The following SKAP2 variants were observed in gnomAD, a reference collection of about 807,000 sequenced individuals.
SKAP2 encodes the protein src kinase-associated phosphoprotein 2.
A neutral mutation model predicts 54.9 loss-of-function variants in SKAP2; 28 were observed. The observed-to-expected ratio is 0.51, with a 90% CI of 0.38 to 0.70. The LOEUF (loss-of-function observed/expected upper bound fraction) is 0.70. Ranked by LOEUF, SKAP2 falls within the 30% of genes least tolerant of loss-of-function variation. The pLI is 0.00. For missense variants in SKAP2, 356 were observed against 424.1 expected, an observed-to-expected ratio of 0.84 and a Z score of 1.41; for synonymous variants, 137 against 134.3, an observed-to-expected ratio of 1.02 and a Z score of -0.14.
At chr7:26,821,458 C>T (rs903522894) in intron 4 of SKAP2, among the ~76,000 whole-genome samples, 3 of 152,116 alleles carry the variant, frequency 2.0e-5, no homozygotes, top group Non-Finnish European at 1.5e-5. Flanking sequence ...CCTGGTTTAC[C>T]TGTGAGGAAA....
In SKAP2 at chr7:26,740,022, C is replaced by T. The variant is rs3735547; in HGVS notation, c.308-58G>A. On this transcript the variant is annotated intron_variant, in intron 4 of 12. Coordinates refer to ENST00000345317, the MANE Select transcript of SKAP2 (RefSeq NM_003930.5). Reference sequence around the variant, plus strand: ...AGTGGGTAATCCATTTCAGAATAAACAAGTGCCAGATCTCATTAGATTCAG... The same window carrying T: ...AGTGGGTAATCCATTTCAGAATAAATAAGTGCCAGATCTCATTAGATTCAG... The T allele has an allele frequency of 4.7e-6, 5 of 1,063,940 alleles. No homozygotes were observed. The African/African-American group carries it at 6.4e-5, about 14-fold the overall frequency. The allele number at this position is 1,063,940 out of a possible 1,614,324, so 65.9% of individuals were successfully genotyped here.
intron 4 of SKAP2, among the ~76,000 whole-genome samples, chr7:26,801,507 G>A (rs994097191): frequency 4.6e-5 from 7 of 152,144 alleles, no homozygotes; most frequent in African/African-American, 1.4e-4. Flanking sequence ...GTCCTAGCTA[G>A]AGCAATCAGA....
At chr7:26,743,717 A>G (rs1782504135) in intron 4 of SKAP2, among the ~76,000 whole-genome samples, 2 of 152,196 alleles carry the variant, frequency 1.3e-5, no homozygotes, top group African/African-American at 4.8e-5. Flanking sequence ...ATTAGACATT[A>G]AAATCGACAC....
At chr7:26,828,616 G>A (rs1365164523) in intron 4 of SKAP2, among the ~76,000 whole-genome samples, 2 of 150,706 alleles carry the variant, frequency 1.3e-5, no homozygotes, top group East Asian at 2.0e-4. Flanking sequence ...GGCAGAGCTT[G>A]CAGTGAGCCA....
chr7:26,696,960 G>A (rs1786907537), intron 9 of SKAP2, among the ~76,000 whole-genome samples: 1 of 151,980 alleles, frequency 6.6e-6, no homozygotes, highest in Non-Finnish European at 1.5e-5. Context: ...CAGAAAATGT[G>A]AAAATAATTT....
At chr7:26,693,186 G>T (rs1786823289) in intron 9 of SKAP2, among the ~76,000 whole-genome samples, 1 of 152,104 alleles carries the variant, frequency 6.6e-6, no homozygotes, top group Admixed American at 6.5e-5. Context: ...ACAAAAATTA[G>T]CATGGCATGG....
chr7:26,758,576 C>G (rs1782854738), intron 4 of SKAP2, among the ~76,000 whole-genome samples: 1 of 152,116 alleles, frequency 6.6e-6, no homozygotes, highest in Non-Finnish European at 1.5e-5. Flanking sequence ...TCTCCACTTA[C>G]CCACTCCTCA....
chr7:26,826,308 C>G (rs1009132452), intron 4 of SKAP2, among the ~76,000 whole-genome samples: 1 of 152,122 alleles, frequency 6.6e-6, no homozygotes, highest in Non-Finnish European at 1.5e-5. Flanking sequence ...TACAGTGTCT[C>G]TAAGAAGAAG....
intron 1 of SKAP2, chr7:26,857,333 A>AAAAAAAAC (rs1785190649): frequency 3.9e-6 from 1 of 257,146 alleles, no homozygotes; most frequent in African/African-American, 2.3e-5. Context: ...AAAAAAAAAA[A>AAAAAAAAC]AACTTTAAAC....
chr7:26,859,970 A>T (rs1785245887), intron 1 of SKAP2, among the ~76,000 whole-genome samples: 1 of 152,232 alleles, frequency 6.6e-6, no homozygotes, highest in South Asian at 2.1e-4. Context: ...TCTGAAATTT[A>T]TGAGACAACT....
chr7:26,719,737 G>A (rs1015447074), intron 9 of SKAP2, among the ~76,000 whole-genome samples: 7 of 152,116 alleles, frequency 4.6e-5, no homozygotes, highest in African/African-American at 1.7e-4. Flanking sequence ...TGAAGGAAAC[G>A]TGATAGGCAA....
intron 3 of SKAP2, among the ~76,000 whole-genome samples, chr7:26,847,058 C>T (rs1784938142): frequency 6.6e-6 from 1 of 152,010 alleles, no homozygotes; most frequent in South Asian, 2.1e-4. Flanking sequence ...CTTCAACTTA[C>T]CCATTCTAAG....
intron 1 of SKAP2, among the ~76,000 whole-genome samples, chr7:26,855,881 T>C (rs962714360): frequency 6.6e-5 from 10 of 152,150 alleles, no homozygotes; most frequent in Non-Finnish European, 1.3e-4. Context: ...CTATAAATCA[T>C]TGATTATTTC....
chr7:26,705,859 T>G (rs1380092995), intron 9 of SKAP2, among the ~76,000 whole-genome samples: 1 of 152,174 alleles, frequency 6.6e-6, no homozygotes, highest in Non-Finnish European at 1.5e-5. Flanking sequence ...CATGGGTATT[T>G]TCATATATTG....
At chr7:26,702,913 G>A (rs1270480926) in intron 9 of SKAP2, among the ~76,000 whole-genome samples, 1 of 152,188 alleles carries the variant, frequency 6.6e-6, no homozygotes, top group South Asian at 2.1e-4. Context: ...ACCACGATGT[G>A]GTATTTATCT....
intron 11 of SKAP2, among the ~76,000 whole-genome samples, chr7:26,678,622 G>A (rs1378053850): frequency 2.0e-5 from 3 of 151,824 alleles, no homozygotes; most frequent in East Asian, 1.9e-4. Flanking sequence ...TCTATTTTTA[G>A]TAGAGACGGG....
chr7:26,858,947 C>T (rs1016661036), intron 1 of SKAP2, among the ~76,000 whole-genome samples: 7 of 152,144 alleles, frequency 4.6e-5, no homozygotes, highest in Non-Finnish European at 8.8e-5. Flanking sequence ...GTAACACCTC[C>T]TCTTCCTGCC....
intron 9 of SKAP2, among the ~76,000 whole-genome samples, chr7:26,716,680 T>C (rs571333150): frequency 6.6e-6 from 1 of 152,348 alleles, no homozygotes; most frequent in South Asian, 2.1e-4. Context: ...TTTTACGTGG[T>C]CACCTTTTAT....
intron 9 of SKAP2, among the ~76,000 whole-genome samples, chr7:26,720,774 T>A (rs923300176): frequency 5.9e-5 from 9 of 152,146 alleles, no homozygotes; most frequent in Admixed American, 1.3e-4. Context: ...TCAGATCTCA[T>A]GAGAACTCAC....
Sources: allele counts gnomAD v4.1 joint callset (sites outside exome capture counted in the v4.1 genomes callset), GRCh38; gene constraint gnomAD v4.1.1; transcripts MANE v1.5; gene names NCBI Gene and HGNC (gene_info 2026-07-23, HGNC 2026-07-21).